PALLD: variants seen among roughly 807,000 people sequenced by gnomAD.
The protein encoded by PALLD is palladin.
In PALLD, 61 loss-of-function variants were observed where a neutral mutation model predicts 123.5. The ratio of observed to expected loss-of-function variants is 0.49; its 90% CI spans 0.40 to 0.61. The LOEUF is 0.61. PALLD is among the 20% of genes least tolerant of loss of function. The pLI, the probability that PALLD is intolerant of heterozygous loss-of-function variation, is 0.00. For synonymous variants in PALLD, 465 were observed against 496.4 expected (o/e 0.94, Z 0.84); for missense variants, 1,273 against 1,377.0 (o/e 0.92, Z 1.20).
At chr4:168,557,324 G>A (rs753786255) in intron 2 of PALLD, among the ~76,000 whole-genome samples, 12 of 152,158 alleles carry the variant, frequency 7.9e-5, no homozygotes, top group Non-Finnish European at 1.3e-4. Context: ...GATTACAGGC[G>A]TGAGCCACCA....
At position 168,928,336 on chromosome 4, in the gene PALLD, AG is replaced by A. The variant is rs796095326; in HGVS notation, c.*2157del. ...TTTATATTGTATTTATAAAAAAAAA[AG>A]TACTATCAATCAATCATACTACTTT... On this transcript the variant is annotated 3_prime_UTR_variant, in exon 22 of 22. Transcript: ENST00000505667. 5 of 173,060 alleles carry A rather than the reference AG, an allele frequency of 2.9e-5. No individual in the cohort carries two copies. The highest frequency in any genetic ancestry group is 1.3e-4 in the African/African-American group (5 of 38,158). 10.7% of individuals were successfully genotyped at this position (173,060 alleles called of 1,614,324 possible). A position where few individuals can be genotyped will look rare whatever the true frequency, so the allele number is the denominator to read the frequency against.
At chr4:168,566,791 A>C (rs1768433463) in intron 2 of PALLD, among the ~76,000 whole-genome samples, 1 of 152,240 alleles carries the variant, frequency 6.6e-6, no homozygotes, top group African/African-American at 2.4e-5. Context: ...AGTGCTAAGC[A>C]GAAGAAATCT....
Position 168,897,395 on chromosome 4 carries a change from T to C in PALLD, c.2250+796T>C, listed in dbSNP as rs146094966. Among the ~76,000 whole-genome samples, 75 of 152,344 alleles carry C rather than the reference T, an allele frequency of 4.9e-4. No individual in the cohort carries two copies. In the East Asian group the frequency reaches 0.014, roughly 29 times the overall value. On this transcript the variant is annotated intron_variant, in intron 13 of 21. Coordinates refer to ENST00000505667, the MANE Select transcript of PALLD (RefSeq NM_001166108.2). ...TTAAGAGAAAACATAGTTAAAGTTA[T>C]CTTTCATTTAATATTAAATAGGGAA...
intron 10 of PALLD, among the ~76,000 whole-genome samples, chr4:168,793,042 C>T (rs1313794286): frequency 6.6e-6 from 1 of 151,454 alleles, no homozygotes; most frequent in South Asian, 2.1e-4. Context: ...GCTGGGATTA[C>T]AGGAGTGGGG....
intron 2 of PALLD, among the ~76,000 whole-genome samples, chr4:168,526,733 A>C (rs1764086771): frequency 6.6e-6 from 1 of 152,212 alleles, no homozygotes; most frequent in South Asian, 2.1e-4. Context: ...GTTTTCTCAC[A>C]GCCTCACCTG....
At chr4:168,634,587 T>C (rs1776152245) in intron 2 of PALLD, among the ~76,000 whole-genome samples, 2 of 152,232 alleles carry the variant, frequency 1.3e-5, no homozygotes, top group African/African-American at 4.8e-5. Flanking sequence ...TCTGTGTGCC[T>C]GAGCGAGGGG....
At chr4:168,714,106 T>A (rs1019316676) in intron 10 of PALLD, among the ~76,000 whole-genome samples, 2 of 152,004 alleles carry the variant, frequency 1.3e-5, no homozygotes, top group Non-Finnish European at 2.9e-5. Context: ...TTAAATTTTC[T>A]TATGATTTAG....
chr4:168,710,940 T>G (rs183284683), intron 9 of PALLD, among the ~76,000 whole-genome samples: 332 of 151,962 alleles, frequency 2.2e-3, no homozygotes, highest in Non-Finnish European at 3.5e-3. Flanking sequence ...TAAGCATTTT[T>G]GAGTGCATGC....
intron 10 of PALLD, among the ~76,000 whole-genome samples, chr4:168,777,558 G>A (rs1387923218): frequency 2.0e-5 from 3 of 152,204 alleles, no homozygotes; most frequent in Non-Finnish European, 4.4e-5. Flanking sequence ...CAGAATATCA[G>A]TAGCAGCAGG....
chr4:168,519,206 C>A (rs1407356819), intron 2 of PALLD, among the ~76,000 whole-genome samples: 2 of 152,260 alleles, frequency 1.3e-5, no homozygotes, highest in South Asian at 2.1e-4. Flanking sequence ...AGATGAAGCA[C>A]GTGATTTGTG....
intron 2 of PALLD, among the ~76,000 whole-genome samples, chr4:168,618,204 A>G (rs932970664): frequency 2.0e-5 from 3 of 152,198 alleles, no homozygotes; most frequent in Non-Finnish European, 4.4e-5. Context: ...TTTTCTGTAG[A>G]AAGGAACTCA....
chr4:168,820,742 A>T (rs1284909088), intron 10 of PALLD, among the ~76,000 whole-genome samples: 1 of 152,144 alleles, frequency 6.6e-6, no homozygotes, highest in Non-Finnish European at 1.5e-5. Context: ...AAGAACTTCT[A>T]CTTTGAGTAA....
chr4:168,914,808 G>C (rs554668076), intron 16 of PALLD, among the ~76,000 whole-genome samples: 2 of 152,298 alleles, frequency 1.3e-5, no homozygotes, highest in African/African-American at 4.8e-5. Flanking sequence ...CAGAGAGTAG[G>C]CAGGAAAACT....
Position 168,650,288 on chromosome 4 carries a change from T to C in PALLD, c.909-17902T>C, listed in dbSNP as rs190216939. On this transcript the variant is annotated intron_variant, in intron 2 of 21. Transcript: ENST00000505667. ...AAAGTTAAAGTTTTTCTCTAACTTCTTCCCTCAGCCTCTGTCCCTCCTCTC... is the reference window on the plus strand; with the variant it reads ...AAAGTTAAAGTTTTTCTCTAACTTCCTCCCTCAGCCTCTGTCCCTCCTCTC... Among the ~76,000 whole-genome samples the C allele has an allele frequency of 2.6e-3, 400 of 152,368 alleles. 1 individual carries two copies. Among genetic ancestry groups the C allele is most frequent in the Non-Finnish European group, 4.9e-3 (335 of 68,034 alleles).
intron 10 of PALLD, among the ~76,000 whole-genome samples, chr4:168,828,515 A>G (rs4692671): frequency 0.67 from 102,037 of 152,122 alleles, 34,542 homozygotes; most frequent in Non-Finnish European, 0.7. Flanking sequence ...CGATTGATAA[A>G]TAGATAGATC....
intron 10 of PALLD, among the ~76,000 whole-genome samples, chr4:168,802,694 A>ATT (rs528363189): frequency 6.8e-6 from 1 of 146,608 alleles, no homozygotes; most frequent in East Asian, 2.0e-4. Context: ...TCTACATTAC[A>ATT]TTTTTTTTTT....
chr4:168,828,331 T>A (rs1408906474), intron 10 of PALLD, among the ~76,000 whole-genome samples: 1 of 152,230 alleles, frequency 6.6e-6, no homozygotes, highest in African/African-American at 2.4e-5. Context: ...TGGGCTTTAA[T>A]TCTTAAGTTA....
At chr4:168,664,163 T>C (rs7681784) in intron 2 of PALLD, among the ~76,000 whole-genome samples, 16,886 of 152,232 alleles carry the variant, frequency 0.11, 1,140 homozygotes, top group African/African-American at 0.19. Context: ...TTTTTTCTCA[T>C]TGAGTACCTG....
chr4:168,702,661 C>A (rs1318745775), intron 8 of PALLD, among the ~76,000 whole-genome samples: 1 of 152,092 alleles, frequency 6.6e-6, no homozygotes, highest in African/African-American at 2.4e-5. Context: ...TTTGAACACC[C>A]AGGATTCATT....
Sources: allele counts gnomAD v4.1 joint callset (sites outside exome capture counted in the v4.1 genomes callset), GRCh38; gene constraint gnomAD v4.1.1; transcripts MANE v1.5; gene names NCBI Gene and HGNC (gene_info 2026-07-23, HGNC 2026-07-21).